The following EPHA5 variants were observed in gnomAD, a reference collection of about 807,000 sequenced individuals.
EPHA5 encodes the protein EPH receptor A5, also known as ephrin type-A receptor 5.
In EPHA5, 60 loss-of-function variants were observed where a neutral mutation model predicts 105.0. The ratio of observed to expected loss-of-function variants is 0.57; its 90% CI spans 0.46 to 0.71. The LOEUF is 0.71. Ranked by LOEUF, EPHA5 falls within the 30% of genes least tolerant of loss-of-function variation. EPHA5 has a pLI of 0.00. For missense variants in EPHA5, 1,218 were observed against 1,274.7 expected (o/e 0.96, Z 0.68); for synonymous variants, 513 against 449.1 (o/e 1.14, Z -1.80).
Position 65,533,069 on chromosome 4 carries a change from G to GT in EPHA5, c.911-37527dup, listed in dbSNP as rs200608682. On this transcript the variant is annotated intron_variant, in intron 3 of 16. Coordinates refer to ENST00000613740, the MANE Select transcript of EPHA5 (RefSeq NM_001281766.3). ...ACTTTCCATTAATATTTTTTTTTCA[G>GT]TAACATCACCTACTTCCCACTTCAA... Among the ~76,000 whole-genome samples the GT allele has an allele frequency of 8.0e-3, 1,219 of 151,538 alleles. 15 individuals are homozygous for GT. The highest frequency in any genetic ancestry group is 0.027 in the African/African-American group (1,136 of 41,324).
intron 5 of EPHA5, among the ~76,000 whole-genome samples, chr4:65,472,760 G>A (rs1402629657): frequency 6.8e-6 from 1 of 146,400 alleles, no homozygotes; most frequent in Non-Finnish European, 1.5e-5. Context: ...ACAAAACCTG[G>A]CCCTTCTCTT....
chr4:65,511,753 C>T (rs956053056), intron 3 of EPHA5, among the ~76,000 whole-genome samples: 1 of 152,148 alleles, frequency 6.6e-6, no homozygotes, highest in Non-Finnish European at 1.5e-5. Flanking sequence ...TTTCATAGAA[C>T]ATCTTTTAAT....
intron 5 of EPHA5, among the ~76,000 whole-genome samples, chr4:65,452,132 T>C (rs1727126790): frequency 1.3e-5 from 2 of 152,154 alleles, no homozygotes; most frequent in South Asian, 4.1e-4. Flanking sequence ...TTAATTCCAT[T>C]GAAAAGTTTC....
intron 3 of EPHA5, among the ~76,000 whole-genome samples, chr4:65,509,262 G>A (rs1202865616): frequency 6.6e-6 from 1 of 152,016 alleles, no homozygotes; most frequent in Non-Finnish European, 1.5e-5. Context: ...ATTTCTAAAA[G>A]TTTCAACCAG....
In EPHA5 at chr4:65,388,152, A is replaced by C. The variant is rs1421739123; in HGVS notation, c.1793+16222T>G. 2.3e-3 allele frequency among the ~76,000 whole-genome samples: 348 copies of C among 149,602 alleles called. 2 individuals carry two copies. The highest frequency in any genetic ancestry group is 8.0e-3 in the African/African-American group (326 of 40,744). On this transcript the variant is annotated intron_variant, in intron 8 of 16. Coordinates refer to ENST00000613740, the MANE Select transcript of EPHA5 (RefSeq NM_001281766.3). ...TCCCTACAAAGGACATGAACTCATC[A>C]TTTTTTATGGCTGCATAGTATTCCA...
At chr4:65,472,462 G>A (rs1729382716) in intron 5 of EPHA5, among the ~76,000 whole-genome samples, 1 of 152,194 alleles carries the variant, frequency 6.6e-6, no homozygotes, top group Admixed American at 6.5e-5. Context: ...GGTTTTCCAT[G>A]AGGGTTCTGC....
chr4:65,418,862 CTTTTTTTTTTTTTTTTTT>C (rs575608289), intron 6 of EPHA5, among the ~76,000 whole-genome samples: 8 of 47,072 alleles, frequency 1.7e-4, no homozygotes, highest in African/African-American at 7.7e-4. Context: ...TACCTAAACT[CTTTTTTTTTTTTTTTTTT>C]TTTTTTTTTT....
intron 5 of EPHA5, among the ~76,000 whole-genome samples, chr4:65,451,199 G>A (rs949930944): frequency 6.6e-6 from 1 of 151,786 alleles, no homozygotes; most frequent in Non-Finnish European, 1.5e-5. Context: ...ACATTGACTG[G>A]TCAAAAAGAA....
At chr4:65,326,047 T>G (rs1165937991) in intron 16 of EPHA5, among the ~76,000 whole-genome samples, 1 of 148,226 alleles carries the variant, frequency 6.7e-6, no homozygotes, top group East Asian at 2.0e-4. Flanking sequence ...TATATGTATA[T>G]ATATGTATAT....
rs1719809687 is a variant in EPHA5, at chr4:65,323,616, A to C, written c.*498T>G. 1 of 230,294 alleles carries C rather than the reference A, an allele frequency of 4.3e-6. No individual in the cohort carries two copies. The highest frequency in any genetic ancestry group is 6.1e-5 in the East Asian group (1 of 16,282). 14.3% of individuals were successfully genotyped at this position (230,294 alleles called of 1,614,324 possible). ...GCATTTTAAAATTACAAAAGAAGAT[A>C]TCTATTAAGAAATAATCTAATCATA... On this transcript the variant is annotated 3_prime_UTR_variant, in exon 17 of 17. Coordinates refer to ENST00000613740, the MANE Select transcript of EPHA5 (RefSeq NM_001281766.3).
At chr4:65,428,957 G>A (rs1466922488) in intron 5 of EPHA5, among the ~76,000 whole-genome samples, 4 of 151,948 alleles carry the variant, frequency 2.6e-5, no homozygotes, top group African/African-American at 9.7e-5. Context: ...GTAACAAGGT[G>A]TATAATGGCA....
intron 3 of EPHA5, among the ~76,000 whole-genome samples, chr4:65,598,286 A>G (rs1743376726): frequency 6.6e-6 from 1 of 152,164 alleles, no homozygotes; most frequent in South Asian, 2.1e-4. Context: ...GAGTCTTAGA[A>G]CTAAGAAATG....
intron 5 of EPHA5, among the ~76,000 whole-genome samples, chr4:65,435,564 G>C (rs997085466): frequency 6.6e-6 from 1 of 151,798 alleles, no homozygotes; most frequent in African/African-American, 2.4e-5. Context: ...ATAAATTAAG[G>C]GTTTATAAAC....
At chr4:65,394,413 G>A (rs1366034728) in intron 8 of EPHA5, among the ~76,000 whole-genome samples, 4 of 152,146 alleles carry the variant, frequency 2.6e-5, no homozygotes, top group Non-Finnish European at 5.9e-5. Flanking sequence ...CTGACTGGTT[G>A]TATACAACAG....
intron 5 of EPHA5, among the ~76,000 whole-genome samples, chr4:65,482,162 G>A (rs1284733405): frequency 6.6e-6 from 1 of 151,946 alleles, no homozygotes; most frequent in Non-Finnish European, 1.5e-5. Context: ...GCCGGGCCTT[G>A]TGGTGGGTGC....
chr4:65,510,450 T>C (rs940309042), intron 3 of EPHA5, among the ~76,000 whole-genome samples: 1 of 152,156 alleles, frequency 6.6e-6, no homozygotes, highest in East Asian at 1.9e-4. Context: ...TCACACAGTA[T>C]CTTCTCTTTT....
chr4:65,364,347 C>T (rs1353083537), intron 11 of EPHA5, among the ~76,000 whole-genome samples: 4 of 151,508 alleles, frequency 2.6e-5, no homozygotes, highest in African/African-American at 9.7e-5. Flanking sequence ...CTATGTGCCA[C>T]AAAAATACAT....
chr4:65,452,244 G>A (rs1191192125), intron 5 of EPHA5, among the ~76,000 whole-genome samples: 2 of 152,088 alleles, frequency 1.3e-5, no homozygotes, highest in African/African-American at 2.4e-5. Context: ...GGTGTGGTGG[G>A]AGTTAAAATT....
chr4:65,549,244 A>C lies in EPHA5; in HGVS notation c.910+52397T>G, dbSNP rs114055904. Among the ~76,000 whole-genome samples the C allele has an allele frequency of 2.5e-3, 386 of 152,284 alleles. 1 individual carries two copies. The highest frequency in any genetic ancestry group is 8.4e-3 in the African/African-American group (351 of 41,582). ...ATGACATCATTAAGTCCTGAAAGAA[A>C]ATAACTGGCAACACAGAGCTGATCA... On this transcript the variant is annotated intron_variant, in intron 3 of 16. Transcript: ENST00000613740.
Sources: gnomAD v4.1 joint callset for allele counts (sites outside exome capture counted in the v4.1 genomes callset) on GRCh38, gnomAD v4.1.1 for gene constraint, MANE v1.5 for transcripts, NCBI Gene and HGNC (gene_info 2026-07-23, HGNC 2026-07-21) for gene names.